Variants in DDX31 observed in about 807,000 individuals in gnomAD.
DDX31 encodes ATP-dependent DNA helicase DDX31.
A neutral mutation model predicts 91.3 loss-of-function variants in DDX31; 70 were observed. The observed-to-expected ratio is 0.77, with a 90% confidence interval of 0.63 to 0.94. DDX31 has a LOEUF of 0.94. Among genes scored for constraint, DDX31 ranks in the 40% least tolerant of loss-of-function variants. The pLI, the probability that DDX31 is intolerant of heterozygous loss-of-function variation, is 0.00. For missense variants in DDX31, 902 were observed against 925.0 expected, an observed-to-expected ratio of 0.98 and a Z score of 0.32; for synonymous variants, 362 against 350.6, an observed-to-expected ratio of 1.03 and a Z score of -0.36.
intron 6 of DDX31, among the ~76,000 whole-genome samples, chr9:132,656,364 C>G (rs926626230): frequency 6.6e-6 from 1 of 152,170 alleles, no homozygotes. Flanking sequence ...CCGACCTGTT[C>G]GTGATTTTTT....
intron 15 of DDX31, among the ~76,000 whole-genome samples, chr9:132,631,058 G>C (rs1459180553): frequency 1.3e-5 from 2 of 152,244 alleles, no homozygotes; most frequent in Non-Finnish European, 2.9e-5. Context: ...TGCCAACTCA[G>C]AGAAAAGAGC....
intron 18 of DDX31, among the ~76,000 whole-genome samples, chr9:132,616,353 T>C (rs776421401): frequency 6.6e-6 from 1 of 152,174 alleles, no homozygotes; most frequent in African/African-American, 2.4e-5. Context: ...TGACCCTGCT[T>C]GTTTCATGGT....
chr9:132,653,472 C>T (rs1012945096), intron 6 of DDX31, among the ~76,000 whole-genome samples: 3 of 73,404 alleles, frequency 4.1e-5, no homozygotes, highest in South Asian at 4.4e-4. Flanking sequence ...CCAGCCTGGG[C>T]AACAAGTGAA....
At chr9:132,615,044 G>A (rs1421946862) in intron 18 of DDX31, among the ~76,000 whole-genome samples, 1 of 152,132 alleles carries the variant, frequency 6.6e-6, no homozygotes, top group Admixed American at 6.5e-5. Context: ...GGGGCTGTGG[G>A]ACCCACACAA....
Position 132,625,567 on chromosome 9 carries a change from C to T in DDX31, c.1713+97G>A. On this transcript the variant is annotated intron_variant, in intron 17 of 19. Coordinates refer to ENST00000372159, the MANE Select transcript of DDX31 (RefSeq NM_022779.9). ...CATGGTTCTTAAAATAAATGTATTG[C>T]TTGACAGAGGAAGTAACCCATACAC... 3.5e-6 allele frequency: 3 copies of T among 856,792 alleles called. 1 individual carries two copies. The highest frequency in any genetic ancestry group is 2.9e-5 in the South Asian group (2 of 68,480). The allele number at this position is 856,792 out of a possible 1,614,324, so 53.1% of individuals were successfully genotyped here.
chr9:132,607,636 C>T (rs1445142810), intron 19 of DDX31, among the ~76,000 whole-genome samples: 1 of 152,198 alleles, frequency 6.6e-6, no homozygotes, highest in Non-Finnish European at 1.5e-5. Context: ...CAGACTTGCT[C>T]TTTCGTACTG....
chr9:132,627,196 G>A (rs1266418687), intron 16 of DDX31, among the ~76,000 whole-genome samples: 3 of 152,220 alleles, frequency 2.0e-5, no homozygotes, highest in African/African-American at 7.2e-5. Flanking sequence ...AATGCCGTTT[G>A]CAGTCAGGAA....
intron 1 of DDX31, among the ~76,000 whole-genome samples, chr9:132,667,562 C>T (rs1835397627): frequency 6.6e-6 from 1 of 152,040 alleles, no homozygotes; most frequent in South Asian, 2.1e-4. Flanking sequence ...GAGATCGCGC[C>T]ACTGCACTCC....
chr9:132,607,053 C>G (rs138741267), intron 19 of DDX31, among the ~76,000 whole-genome samples: 1 of 152,158 alleles, frequency 6.6e-6, no homozygotes, highest in African/African-American at 2.4e-5. Context: ...GAAGAAGGGG[C>G]GACTGGTGTG....
intron 15 of DDX31, among the ~76,000 whole-genome samples, chr9:132,631,242 T>C (rs761019388): frequency 3.3e-5 from 5 of 152,226 alleles, no homozygotes; most frequent in Non-Finnish European, 7.4e-5. Flanking sequence ...TATGGGAGGC[T>C]AGGCATATTA....
rs148432033 is a variant in DDX31, at chr9:132,612,094, C to G, written c.1987G>C (p.Val663Leu). The G allele has an allele frequency of 6.1e-5, 98 of 1,613,424 alleles. No homozygotes were observed. The highest frequency in any genetic ancestry group is 3.3e-4 in the Middle Eastern group (2 of 6,080). Residue 663 changes from valine (V) to leucine (L), a missense_variant, in exon 19 of 20, where the codon GTG (valine) becomes CTG (leucine). Transcript: ENST00000372159. ...ALTRKKRKAH[V>L]KRPDLHKKTQ... is the part of the protein sequence containing the mutation. Reference sequence around the variant, plus strand: ...GAATTCAGCTCATCTTACCTTTTCACGTGTGCTTTCCTCTTCTTTCTAGTC... The same window carrying G: ...GAATTCAGCTCATCTTACCTTTTCAGGTGTGCTTTCCTCTTCTTTCTAGTC...
intron 5 of DDX31, among the ~76,000 whole-genome samples, 196 bp from the exon 6 acceptor site, chr9:132,658,931 T>C (rs778806586): frequency 3.9e-5 from 6 of 152,246 alleles, no homozygotes; most frequent in Non-Finnish European, 5.9e-5. Context: ...TTTTGCTTTG[T>C]AAAATGAGTA....
chr9:132,595,148 TTTA>T lies in DDX31; in HGVS notation c.1995-39_1995-37del, dbSNP rs1238131132. 1.9e-6 allele frequency: 3 copies of T among 1,584,738 alleles called. No homozygotes were observed. In the South Asian group the frequency reaches 3.4e-5, roughly 18 times the overall value. ...GTAACAGCAGAGAGGGAAAAGAAAC[TTTA>T]TTATTTTTCTTTCCCATTTGGAAAG... On this transcript the variant is annotated intron_variant, in intron 19 of 19. Coordinates refer to ENST00000372159, the MANE Select transcript of DDX31 (RefSeq NM_022779.9). The surrounding 1 kb of genome is among the most constrained non-coding windows in gnomAD (Gnocchi z 4.6).
At chr9:132,630,483 C>G in intron 15 of DDX31, 80 bp from the exon 16 acceptor site, 1 of 1,345,790 alleles carries the variant, frequency 7.4e-7, no homozygotes, top group Non-Finnish European at 1.0e-6. Flanking sequence ...CCTCACCTGC[C>G]TCCAGGTATC....
Position 132,594,670 on chromosome 9 carries a change from G to T in DDX31, c.*196C>A. ...CGTCGGGAGCTGGCTAGTCTCTACA[G>T]TGCCCCACACCACTGATTTCTATCA... On this transcript the variant is annotated 3_prime_UTR_variant, in exon 20 of 20. Coordinates refer to ENST00000372159, the MANE Select transcript of DDX31 (RefSeq NM_022779.9). 1.2e-6 allele frequency: 1 copy of T among 860,374 alleles called. No individual in the cohort carries two copies. Among genetic ancestry groups the T allele is most frequent in the Non-Finnish European group, 1.8e-6 (1 of 564,686 alleles). The allele number at this position is 860,374 out of a possible 1,614,324, so 53.3% of individuals were successfully genotyped here.
chr9:132,603,745 G>A (rs1044209641), intron 19 of DDX31, among the ~76,000 whole-genome samples: 1 of 152,146 alleles, frequency 6.6e-6, no homozygotes, highest in East Asian at 1.9e-4. Context: ...CTCCAGCATC[G>A]TCCCGGGAGA....
intron 14 of DDX31, among the ~76,000 whole-genome samples, chr9:132,633,513 G>A (rs182127656): frequency 5.9e-5 from 9 of 152,162 alleles, no homozygotes; most frequent in African/African-American, 2.2e-4. Context: ...TCATATAACA[G>A]AGTACTATAC....
chr9:132,598,653 A>G (rs542504585), intron 19 of DDX31, among the ~76,000 whole-genome samples: 4 of 152,282 alleles, frequency 2.6e-5, no homozygotes, highest in South Asian at 2.1e-4. Context: ...CATTCTCACA[A>G]TGATCTTCCT....
chr9:132,655,047 C>G (rs1170998412), intron 6 of DDX31, among the ~76,000 whole-genome samples: 1 of 151,928 alleles, frequency 6.6e-6, no homozygotes, highest in African/African-American at 2.4e-5. Context: ...GGAGTGCACA[C>G]TGGCATATTC....
Sources: gnomAD v4.1 joint callset for allele counts (sites outside exome capture counted in the v4.1 genomes callset) on GRCh38, gnomAD v4.1.1 for gene constraint, Gnocchi (gnomAD v3.1) non-coding constraint, MANE v1.5 for transcripts, NCBI Gene and HGNC (gene_info 2026-07-23, HGNC 2026-07-21) for gene names.